KIF16B: variants seen among roughly 807,000 people sequenced by gnomAD.
The protein encoded by KIF16B is kinesin-like protein KIF16B.
In KIF16B, 98 loss-of-function variants were observed where a neutral mutation model predicts 156.3. The ratio of observed to expected loss-of-function variants is 0.63; its 90% CI spans 0.53 to 0.74. The LOEUF is 0.74. KIF16B is among the 30% of genes least tolerant of loss of function. The probability of loss-of-function intolerance (pLI) is 0.00; values close to 1 mark genes in which losing one functional copy is unlikely to be tolerated. For synonymous variants in KIF16B, 564 were observed against 583.7 expected, an observed-to-expected ratio of 0.97 and a Z score of 0.49; for missense variants, 1,421 against 1,606.5, an observed-to-expected ratio of 0.88 and a Z score of 1.97.
intron 20 of KIF16B, among the ~76,000 whole-genome samples, chr20:16,372,898 A>G (rs1421970664): frequency 6.6e-6 from 1 of 152,162 alleles, no homozygotes. Flanking sequence ...GGGTTTCACT[A>G]TGTTGGTCAG....
chr20:16,448,260 C>T (rs2066986764), intron 12 of KIF16B, among the ~76,000 whole-genome samples: 1 of 152,178 alleles, frequency 6.6e-6, no homozygotes, highest in Non-Finnish European at 1.5e-5. Context: ...AAGCTGTGCA[C>T]AGTGTCCTAC....
chr20:16,342,580 A>G (rs1257761153), intron 23 of KIF16B, among the ~76,000 whole-genome samples: 1 of 151,948 alleles, frequency 6.6e-6, no homozygotes, highest in Non-Finnish European at 1.5e-5. Context: ...CAATAGTATG[A>G]CTGTAAAAAA....
rs974754474 is a variant in KIF16B at position 16,368,654 on chromosome 20, T to A, written c.3498+1932A>T. The A allele has an allele frequency of 1.0e-5, 10 of 985,806 alleles. No homozygotes were observed. The South Asian group carries it at 3.8e-4, about 37-fold the overall frequency. 61.1% of individuals were successfully genotyped at this position (985,806 alleles called of 1,614,324 possible). A position where few individuals can be genotyped will look rare whatever the true frequency, so the allele number is the denominator to read the frequency against. ...TTTACCAGTGACTCCGATGAGCTCA[T>A]TTTTTTAGCATCCAACTCTTCCTCA... is the stretch of plus-strand genomic sequence containing the variant. On this transcript the variant is annotated intron_variant, in intron 22 of 25. Transcript: ENST00000354981.
At position 16,442,383 on chromosome 20, in the gene KIF16B, C is replaced by T. The variant is rs139311227; in HGVS notation, c.1303-12401G>A. Among the ~76,000 whole-genome samples, 483 of 148,556 alleles carry T rather than the reference C, an allele frequency of 3.3e-3. 3 individuals carry two copies. Among genetic ancestry groups the T allele is most frequent in the East Asian group, 0.021 (106 of 5,054 alleles). The stretch of plus-strand genomic sequence containing the variant: ...ATATATATATAAAATAGGTGCCTAT[C>T]TAATGCGATGCTCAGTGTATATATA... On this transcript the variant is annotated intron_variant, in intron 12 of 25. Coordinates refer to ENST00000354981, the MANE Select transcript of KIF16B (RefSeq NM_024704.5).
chr20:16,544,607 C>CAAAAAAA (rs11472848), intron 1 of KIF16B, among the ~76,000 whole-genome samples: 2 of 64,618 alleles, frequency 3.1e-5, no homozygotes, highest in South Asian at 9.1e-4. Context: ...AAAGCCATCT[C>CAAAAAAA]AAAAAAAAAA....
intron 17 of KIF16B, among the ~76,000 whole-genome samples, chr20:16,402,012 G>A (rs182948184): frequency 3.3e-5 from 5 of 152,102 alleles, no homozygotes; most frequent in Admixed American, 6.6e-5. Flanking sequence ...TTGCCAGCAC[G>A]GCCCTACATT....
At chr20:16,392,159 G>C (rs1399781613) in intron 17 of KIF16B, among the ~76,000 whole-genome samples, 7 of 152,050 alleles carry the variant, frequency 4.6e-5, no homozygotes, top group Admixed American at 4.6e-4. Context: ...AGCCTTTCCG[G>C]CCATACAGAT....
chr20:16,419,062 CAGT>C (rs1344571537), intron 15 of KIF16B, among the ~76,000 whole-genome samples: 1 of 152,086 alleles, frequency 6.6e-6, no homozygotes, highest in Non-Finnish European at 1.5e-5. Flanking sequence ...TTTGCTGGTT[CAGT>C]AGGTCTAGGT....
intron 24 of KIF16B, among the ~76,000 whole-genome samples, chr20:16,316,028 A>G (rs1340048395): frequency 2.0e-5 from 3 of 152,236 alleles, no homozygotes; most frequent in Non-Finnish European, 4.4e-5. Flanking sequence ...CCTCTGATAT[A>G]GTAGAAACCA....
At chr20:16,292,703 T>A (rs1183434902) in intron 25 of KIF16B, among the ~76,000 whole-genome samples, 2 of 152,092 alleles carry the variant, frequency 1.3e-5, no homozygotes, top group Non-Finnish European at 2.9e-5. Flanking sequence ...AGACAGACAG[T>A]GGTTCTTAAA....
At chr20:16,433,295 C>A (rs1046897528) in intron 12 of KIF16B, among the ~76,000 whole-genome samples, 1 of 151,898 alleles carries the variant, frequency 6.6e-6, no homozygotes, top group Non-Finnish European at 1.5e-5. Flanking sequence ...GGAAAGTGAC[C>A]ATTCTCGTAA....
At chr20:16,439,513 G>T (rs141520145) in intron 12 of KIF16B, among the ~76,000 whole-genome samples, 1 of 152,018 alleles carries the variant, frequency 6.6e-6, no homozygotes, top group Non-Finnish European at 1.5e-5. Context: ...GGGCTTCTCC[G>T]TGTGCTGTTT....
chr20:16,528,259 T>G, intron 2 of KIF16B, 112 bp downstream of exon 2: 1 of 788,146 alleles, frequency 1.3e-6, no homozygotes. Flanking sequence ...CTAACTGCAC[T>G]GGAAAGGAGG....
intron 12 of KIF16B, among the ~76,000 whole-genome samples, chr20:16,458,884 C>T (rs1171527392): frequency 6.6e-6 from 1 of 152,066 alleles, no homozygotes; most frequent in African/African-American, 2.4e-5. Flanking sequence ...AAGAAAGGGA[C>T]TATATAAATG....
At chr20:16,324,091 A>G (rs1307940300) in intron 24 of KIF16B, among the ~76,000 whole-genome samples, 1 of 152,020 alleles carries the variant, frequency 6.6e-6, no homozygotes, top group Non-Finnish European at 1.5e-5. Flanking sequence ...ATTTTTAAGA[A>G]CAAATATGCA....
intron 12 of KIF16B, among the ~76,000 whole-genome samples, chr20:16,459,352 T>G (rs1015344978): frequency 2.6e-5 from 4 of 152,212 alleles, no homozygotes; most frequent in Non-Finnish European, 5.9e-5. Context: ...CTGCCAGTTG[T>G]TCTCCACAAA....
chr20:16,566,576 C>T (rs1218490333), intron 1 of KIF16B, among the ~76,000 whole-genome samples: 1 of 152,182 alleles, frequency 6.6e-6, no homozygotes, highest in Non-Finnish European at 1.5e-5. Flanking sequence ...AATGCTACCT[C>T]ATTAAATTAC....
chr20:16,351,252 G>T (rs1287489444), intron 23 of KIF16B, among the ~76,000 whole-genome samples: 1 of 152,150 alleles, frequency 6.6e-6, no homozygotes, highest in Non-Finnish European at 1.5e-5. Context: ...AAATGCAAGG[G>T]ATTTCAAACA....
intron 15 of KIF16B, among the ~76,000 whole-genome samples, chr20:16,416,366 C>T (rs7363515): frequency 0.025 from 3,808 of 152,108 alleles, 149 homozygotes; most frequent in African/African-American, 0.084. Flanking sequence ...GTCTTTAATC[C>T]ATCTTGAGTT....
Sources: gnomAD v4.1 joint callset for allele counts (sites outside exome capture counted in the v4.1 genomes callset) on GRCh38, gnomAD v4.1.1 for gene constraint, MANE v1.5 for transcripts, NCBI Gene and HGNC (gene_info 2026-07-23, HGNC 2026-07-21) for gene names.